LYST: variants seen among roughly 807,000 people sequenced by gnomAD.
LYST encodes lysosomal trafficking regulator, also known as lysosomal-trafficking regulator.
LYST carries 192 observed loss-of-function variants against 413.6 expected under a neutral mutation model. That is an observed-to-expected ratio of 0.46 (90% CI 0.41 to 0.52). The LOEUF is 0.52. LYST is among the 20% of genes least tolerant of loss of function. The probability of loss-of-function intolerance (pLI) is 0.00; values close to 1 mark genes in which losing one functional copy is unlikely to be tolerated. For missense variants in LYST, 3,815 were observed against 4,499.9 expected, an observed-to-expected ratio of 0.85 and a Z score of 4.35; for synonymous variants, 1,525 against 1,567.3, an observed-to-expected ratio of 0.97 and a Z score of 0.64.
At chr1:235,824,884 G>A (rs1012832913) in intron 3 of LYST, among the ~76,000 whole-genome samples, 1 of 152,284 alleles carries the variant, frequency 6.6e-6, no homozygotes, top group Middle Eastern at 3.4e-3. Context: ...GCCAGGTGCA[G>A]TGGCAGGTGC....
At position 235,808,766 on chromosome 1, in the gene LYST, T is replaced by C; in HGVS notation, c.2052A>G (p.Glu684=). The C allele has an allele frequency of 6.2e-7, 1 of 1,614,014 alleles. No individual in the cohort carries two copies. The highest frequency in any genetic ancestry group is 8.5e-7 in the Non-Finnish European group (1 of 1,180,002). ...AAGCATCCCATTTCCACAACAAATC[T>C]TCAGATCCACTGCTGGGCAGGATCC... ...FQGILPSSGS[E]DLLWKWDALK... The change falls in exon 5 of 53, where the codon GAA becomes GAG. Residue 684 remains glutamate, a synonymous_variant. Transcript: ENST00000389793.
chr1:235,682,104 G>A (rs1257946262), intron 48 of LYST, among the ~76,000 whole-genome samples: 4 of 152,164 alleles, frequency 2.6e-5, no homozygotes, highest in African/African-American at 9.7e-5. Flanking sequence ...GAGCCCAGGA[G>A]CTCGAGAATA....
chr1:235,673,529 A>G (rs1052751791), intron 50 of LYST, among the ~76,000 whole-genome samples: 31 of 152,130 alleles, frequency 2.0e-4, no homozygotes, highest in Non-Finnish European at 3.4e-4. Flanking sequence ...ACCACCCTAA[A>G]GCCTTACCTC....
At chr1:235,820,375 C>CTT (rs1176878134) in intron 3 of LYST, among the ~76,000 whole-genome samples, 178 of 145,272 alleles carry the variant, frequency 1.2e-3, no homozygotes, top group African/African-American at 4.3e-3. Context: ...TCTTTTCTTT[C>CTT]TTTTTTTTTT....
rs773369935 is a variant in LYST, at chr1:235,810,430, A to T, written c.388T>A (p.Ser130Thr). ...TTTACTTTTGCAGAAACCTGACTAGACAGGGCACTTCCTTCTAAATGTAAT... is the reference window on the plus strand; with the variant it reads ...TTTACTTTTGCAGAAACCTGACTAGTCAGGGCACTTCCTTCTAAATGTAAT... ...EKLHLEGSAL[S>T]SQVSAKVNVF... Residue 130 changes from serine (S) to threonine (T), a missense_variant, in exon 5 of 53, where the codon TCT becomes ACT. This residue lies in a region of LYST where 1,648 missense variants were observed against 1,810.3 expected (regional missense o/e 0.91). Transcript: ENST00000389793. 6.2e-6 allele frequency: 10 copies of T among 1,611,440 alleles called. No homozygotes were observed. In the African/African-American group the frequency reaches 1.3e-4, roughly 22 times the overall value.
intron 25 of LYST, among the ~76,000 whole-genome samples, chr1:235,753,904 ATTCT>A (rs1268832434): frequency 3.9e-5 from 6 of 152,184 alleles, no homozygotes; most frequent in African/African-American, 7.2e-5. Context: ...AATTTAGTAA[ATTCT>A]TTAAGGTCTG....
chr1:235,701,244 T>C (rs1314612117), intron 45 of LYST, among the ~76,000 whole-genome samples: 1 of 152,188 alleles, frequency 6.6e-6, no homozygotes, highest in Non-Finnish European at 1.5e-5. Flanking sequence ...CAGATACAAC[T>C]TTAACAGCTA....
intron 20 of LYST, among the ~76,000 whole-genome samples, chr1:235,768,721 A>C (rs1285844248): frequency 1.3e-5 from 2 of 152,122 alleles, no homozygotes; most frequent in Admixed American, 6.6e-5. Context: ...GCAAAGACTG[A>C]ATAAGAATAT....
At chr1:235,871,269 T>C (rs1680911744), upstream of LYST, among the ~76,000 whole-genome samples, 2 of 152,228 alleles carry the variant, frequency 1.3e-5, no homozygotes, top group South Asian at 4.1e-4. Context: ...CCAATAGCAT[T>C]TGAAATCCCC....
intron 1 of LYST, among the ~76,000 whole-genome samples, chr1:235,841,627 G>A (rs148465680): frequency 6.6e-6 from 1 of 152,312 alleles, no homozygotes; most frequent in East Asian, 1.9e-4. Flanking sequence ...GAGAACGAAT[G>A]AATGAAGGAC....
intron 39 of LYST, among the ~76,000 whole-genome samples, chr1:235,723,039 T>G (rs1381014366): frequency 6.6e-6 from 1 of 152,208 alleles, no homozygotes; most frequent in Non-Finnish European, 1.5e-5. Flanking sequence ...AGACTCTCGA[T>G]GTATTCTGAG....
chr1:235,842,954 C>T (rs1475626889), intron 1 of LYST, among the ~76,000 whole-genome samples: 1 of 152,114 alleles, frequency 6.6e-6, no homozygotes, highest in Non-Finnish European at 1.5e-5. Flanking sequence ...ACTACTACAC[C>T]CGCCCCTCAC....
intron 13 of LYST, among the ~76,000 whole-genome samples, chr1:235,787,748 T>TA (rs1415116125): frequency 6.6e-6 from 1 of 152,160 alleles, no homozygotes; most frequent in African/African-American, 2.4e-5. Context: ...ATTGGAGGTC[T>TA]AATCTACTTT....
chr1:235,702,565 C>G (rs1180887489), intron 45 of LYST, among the ~76,000 whole-genome samples, 182 bp downstream of exon 45: 1 of 152,228 alleles, frequency 6.6e-6, no homozygotes, highest in Non-Finnish European at 1.5e-5. Flanking sequence ...AAAGCACTCT[C>G]TCATATCGCT....
Position 235,809,771 on chromosome 1 carries a change from A to G in LYST, c.1047T>C (p.Leu349=), listed in dbSNP as rs554095765. The part of the protein sequence containing the change: ...VSTAEMMPEN[L]RKNLTELLRA... ...TAAGCAATTCAGTTAAATTTTTCCT[A>G]AGATTTTCTGGCATCATCTCTGCAG... Residue 349 remains leucine, a synonymous_variant, in exon 5 of 53, where the codon CTT becomes CTC. Coordinates refer to ENST00000389793, the MANE Select transcript of LYST (RefSeq NM_000081.4). The surrounding 1 kb of genome is among the most constrained non-coding windows in gnomAD (Gnocchi z 4.0). The G allele has an allele frequency of 1.5e-5, 24 of 1,614,088 alleles. No homozygotes were observed. The South Asian group carries it at 2.2e-4, about 15-fold the overall frequency.
In LYST at chr1:235,762,824, C is replaced by T. The variant is rs376311093; in HGVS notation, c.6149G>A (p.Arg2050Gln). ...GGAATGCCTCAGGTACATGATTGACCGCACTTTCTCCTGAAAGATCTTGCC... is the reference window on the plus strand; with the variant it reads ...GGAATGCCTCAGGTACATGATTGACTGCACTTTCTCCTGAAAGATCTTGCC... ...IDGKIFQEKV[R>Q]SIMYLRHSSS... The change falls in exon 22 of 53, where the codon CGG (arginine) becomes CAG (glutamine). Residue 2050 changes from arginine to glutamine, a missense_variant. Arg to Gln is a conservative substitution (Grantham distance 43). Coordinates refer to ENST00000389793, the MANE Select transcript of LYST (RefSeq NM_000081.4). 171 of 1,613,326 alleles carry T rather than the reference C, an allele frequency of 1.1e-4. 1 individual carries two copies. Among genetic ancestry groups the T allele is most frequent in the Middle Eastern group, 6.6e-4 (4 of 6,052 alleles).
Position 235,833,890 on chromosome 1 carries a change from C to T in LYST, c.-97-223G>A, listed in dbSNP as rs539253661. ...AAAGCAACTCAATAATAGCTCTCTA[C>T]TTTTCCTCTTCCAGTTCTTAACTTA... On this transcript the variant is annotated intron_variant, in intron 1 of 52. Transcript: ENST00000389793. Among the ~76,000 whole-genome samples the T allele has an allele frequency of 3.3e-5, 5 of 152,312 alleles. No individual in the cohort carries two copies. The South Asian group carries it at 1.0e-3, about 32-fold the overall frequency.
chr1:235,692,538 G>A (rs1660744136), intron 47 of LYST, among the ~76,000 whole-genome samples: 1 of 151,792 alleles, frequency 6.6e-6, no homozygotes, highest in Non-Finnish European at 1.5e-5. Context: ...GTGCCACCAT[G>A]CCTGGCTAAT....
chr1:235,780,963 TG>T lies in LYST; in HGVS notation c.5115del (p.Asn1706MetfsTer22). On this transcript the variant is annotated frameshift_variant, in exon 16 of 53. Coordinates refer to ENST00000389793, the MANE Select transcript of LYST (RefSeq NM_000081.4). LOFTEE classifies it high-confidence loss of function. ...TTATTAATATATTTGGAGTAGTCATTGACTGGCTTGCCATACTTACATGGCA... is the reference window on the plus strand; with the variant it reads ...TTATTAATATATTTGGAGTAGTCATTACTGGCTTGCCATACTTACATGGCA... ...SVMPCKYGKP[V>X]NDYSKYINKE... 6.2e-7 allele frequency: 1 copy of T among 1,606,290 alleles called. No homozygotes were observed. Among genetic ancestry groups the T allele is most frequent in the Non-Finnish European group, 8.5e-7 (1 of 1,174,056 alleles).
Sources: allele counts gnomAD v4.1 joint callset (sites outside exome capture counted in the v4.1 genomes callset), GRCh38; gene constraint gnomAD v4.1.1; regional missense constraint gnomAD v4.1.1; non-coding constraint Gnocchi (gnomAD v3.1); transcripts MANE v1.5; gene names NCBI Gene and HGNC (gene_info 2026-07-23, HGNC 2026-07-21).